The following VNN2 variants were observed in gnomAD, a reference collection of about 807,000 sequenced individuals.
The protein encoded by VNN2 is vanin 2, also known as pantetheine hydrolase VNN2.
VNN2 carries 43 observed loss-of-function variants against 43.0 expected under a neutral mutation model. The ratio of observed to expected loss-of-function variants is 1.00; its 90% CI spans 0.78 to 1.29. The LOEUF is 1.29. Ranked by LOEUF, VNN2 falls within the 50% of genes most tolerant of loss-of-function variation. The pLI, the probability that VNN2 is intolerant of heterozygous loss-of-function variation, is 0.00. For synonymous variants in VNN2, 230 were observed against 224.3 expected (o/e 1.03, Z -0.23); for missense variants, 652 against 619.7 (o/e 1.05, Z -0.55).
Position 132,744,242 on chromosome 6 carries a change from G to A in VNN2, c.*58C>T, listed in dbSNP as rs1166694720. The A allele has an allele frequency of 6.6e-7, 1 of 1,508,622 alleles. No individual in the cohort carries two copies. The highest frequency in any genetic ancestry group is 8.9e-7 in the Non-Finnish European group (1 of 1,118,808). The allele number at this position is 1,508,622 out of a possible 1,614,324, so 93.5% of individuals were successfully genotyped here. ...CAAAGTTTCTTAGTAAACTTGGGAA[G>A]CCGATAAACACATTCAGCCAAGCAT... On this transcript the variant is annotated 3_prime_UTR_variant, in exon 7 of 7. Transcript: ENST00000326499.
upstream of VNN2, among the ~76,000 whole-genome samples, chr6:132,758,317 A>G (rs939824783): frequency 6.6e-6 from 1 of 152,042 alleles, no homozygotes; most frequent in Non-Finnish European, 1.5e-5. Flanking sequence ...TGCTGGGATT[A>G]CAGGCGTGAG....
At chr6:132,760,807 T>C (rs1209943579), upstream of VNN2, 5 of 152,180 alleles carry the variant, frequency 3.3e-5, no homozygotes, top group Admixed American at 1.3e-4. Flanking sequence ...TCCTTGGCTG[T>C]AAAAGATAGA....
upstream of VNN2, among the ~76,000 whole-genome samples, chr6:132,758,849 G>A (rs753347051): frequency 3.9e-5 from 6 of 152,114 alleles, no homozygotes; most frequent in Non-Finnish European, 5.9e-5. Flanking sequence ...ACAATACCCC[G>A]AGGCACCTAG....
chr6:132,760,362 G>A (rs185840994), upstream of VNN2, among the ~76,000 whole-genome samples: 2 of 152,140 alleles, frequency 1.3e-5, no homozygotes, highest in African/African-American at 4.8e-5. Context: ...TTTTTGTAGA[G>A]AGGAAGTTTC....
chr6:132,755,411 G>A (rs1582833242), intron 3 of VNN2, among the ~76,000 whole-genome samples: 1 of 120,660 alleles, frequency 8.3e-6, no homozygotes, highest in Admixed American at 1.1e-4. Context: ...GTCTCCCTCT[G>A]TCACCCAGGC....
At chr6:132,748,062 A>C (rs1010362749) in intron 6 of VNN2, among the ~76,000 whole-genome samples, 4 of 152,174 alleles carry the variant, frequency 2.6e-5, no homozygotes, top group African/African-American at 9.7e-5. Flanking sequence ...AGAAAATTAG[A>C]TTGTGTGCTC....
At chr6:132,746,327 C>G (rs1779715413) in intron 6 of VNN2, among the ~76,000 whole-genome samples, 1 of 152,186 alleles carries the variant, frequency 6.6e-6, no homozygotes, top group African/African-American at 2.4e-5. Flanking sequence ...TAGTGATCCT[C>G]TAAGATAACG....
chr6:132,759,593 C>A (rs35148730), upstream of VNN2, among the ~76,000 whole-genome samples: 1 of 151,952 alleles, frequency 6.6e-6, no homozygotes, highest in Non-Finnish European at 1.5e-5. Context: ...GTAAAAGTCA[C>A]GGAAATGCTT....
At chr6:132,760,442 C>A (rs1323406219), upstream of VNN2, among the ~76,000 whole-genome samples, 1 of 152,182 alleles carries the variant, frequency 6.6e-6, no homozygotes, top group Admixed American at 6.6e-5. Context: ...TCTGAAAGTG[C>A]TGAGATTATA....
At chr6:132,762,863 T>C (rs1417431143), upstream of VNN2, among the ~76,000 whole-genome samples, 1 of 152,224 alleles carries the variant, frequency 6.6e-6, no homozygotes, top group Non-Finnish European at 1.5e-5. Context: ...ATGTCTGTTT[T>C]CCTGTCTCAG....
At position 132,752,751 on chromosome 6, in the gene VNN2, T is replaced by A; in HGVS notation, c.538-2A>T. 1 of 1,610,176 alleles carries A rather than the reference T, an allele frequency of 6.2e-7. No homozygotes were observed. The highest frequency in any genetic ancestry group is 8.5e-7 in the Non-Finnish European group (1 of 1,178,168). On this transcript the variant is annotated splice_acceptor_variant, in intron 3 of 6. Coordinates refer to ENST00000326499, the MANE Select transcript of VNN2 (RefSeq NM_004665.6). LOFTEE classifies it high-confidence loss of function. ...CTGAGGCTCAGAGTACAGGTGGTAC[T>A]ACAACAAATGGATAGGAGAAAACCA...
intron 6 of VNN2, 131 bp from the exon 7 acceptor site, chr6:132,744,622 A>G (rs1779614305): frequency 2.3e-6 from 2 of 873,036 alleles, no homozygotes; most frequent in Non-Finnish European, 3.3e-6. Flanking sequence ...TGCAGCAAGT[A>G]GGCCAGGCAG....
intron 6 of VNN2, among the ~76,000 whole-genome samples, chr6:132,745,897 A>G (rs886812582): frequency 2.6e-5 from 4 of 152,248 alleles, no homozygotes; most frequent in African/African-American, 9.6e-5. Context: ...TGGAGAAGAA[A>G]TTGAAAATTG....
At chr6:132,748,414 A>T (rs541758705) in intron 6 of VNN2, among the ~76,000 whole-genome samples, 1 of 152,204 alleles carries the variant, frequency 6.6e-6, no homozygotes, top group African/African-American at 2.4e-5. Flanking sequence ...TGTTGGTTTC[A>T]TAGAATTAAG....
intron 4 of VNN2, among the ~76,000 whole-genome samples, chr6:132,751,952 A>T (rs982544386): frequency 5.3e-5 from 8 of 152,180 alleles, no homozygotes; most frequent in Admixed American, 6.5e-5. Context: ...GGACTTAGTG[A>T]CTCACTTCCA....
intron 3 of VNN2, 148 bp from the exon 4 acceptor site, chr6:132,752,897 A>G: frequency 1.3e-6 from 1 of 785,910 alleles, no homozygotes. Context: ...TTGGAAGTAA[A>G]TTTCTAAGGA....
chr6:132,752,962 C>A, intron 3 of VNN2: 1 of 508,238 alleles, frequency 2.0e-6, no homozygotes, highest in Non-Finnish European at 3.4e-6. Context: ...TCCTCTCTCT[C>A]CCTTCTCTCT....
At chr6:132,760,153 G>A (rs187086756), upstream of VNN2, among the ~76,000 whole-genome samples, 15 of 152,148 alleles carry the variant, frequency 9.9e-5, no homozygotes, top group African/African-American at 2.4e-4. Flanking sequence ...CTGAACACTC[G>A]TGTCTTTTGG....
rs377082505 is a variant in VNN2 at position 132,751,542 on chromosome 6, T to C, written c.827-24A>G. 630 of 1,580,564 alleles carry C rather than the reference T, an allele frequency of 4.0e-4. 1 individual carries two copies. Among genetic ancestry groups the C allele is most frequent in the Non-Finnish European group, 5.2e-4 (605 of 1,164,576 alleles). ...TCCTGTGAATGAAAGACAAGTCTTC[T>C]AAAAACAACACCACACACAAAAAAA... On this transcript the variant is annotated intron_variant, in intron 4 of 6. Coordinates refer to ENST00000326499, the MANE Select transcript of VNN2 (RefSeq NM_004665.6).
Sources: allele counts gnomAD v4.1 joint callset (sites outside exome capture counted in the v4.1 genomes callset), GRCh38; gene constraint gnomAD v4.1.1; transcripts MANE v1.5; gene names NCBI Gene and HGNC (gene_info 2026-07-23, HGNC 2026-07-21).